The following TAFA2 variants were observed in gnomAD, a reference collection of about 807,000 sequenced individuals.
TAFA2 encodes chemokine-like protein TAFA-2.
TAFA2 carries 7 observed loss-of-function variants against 18.8 expected under a neutral mutation model. The observed-to-expected ratio is 0.37, with a 90% confidence interval of 0.21 to 0.70. The LOEUF (loss-of-function observed/expected upper bound fraction) is 0.70, where lower values mean the gene tolerates loss of function less well. Among genes scored for constraint, TAFA2 ranks in the 30% least tolerant of loss-of-function variants. The pLI is 0.53. For missense variants in TAFA2, 122 were observed against 158.1 expected, an observed-to-expected ratio of 0.77 and a Z score of 1.23; for synonymous variants, 60 against 54.2, an observed-to-expected ratio of 1.11 and a Z score of -0.47.
At chr12:61,751,419 G>T (rs1869008206) in intron 4 of TAFA2, among the ~76,000 whole-genome samples, 1 of 152,014 alleles carries the variant, frequency 6.6e-6, no homozygotes, top group African/African-American at 2.4e-5. Flanking sequence ...AAAAGGATAA[G>T]AATTTACTTT....
intron 1 of TAFA2, among the ~76,000 whole-genome samples, chr12:61,955,802 A>G (rs1410727761): frequency 6.6e-6 from 1 of 151,408 alleles, no homozygotes; most frequent in Non-Finnish European, 1.5e-5. Context: ...GGTTTTCACA[A>G]TGAACATAAC....
At chr12:61,824,850 T>C (rs1041208631) in intron 2 of TAFA2, among the ~76,000 whole-genome samples, 1 of 152,196 alleles carries the variant, frequency 6.6e-6, no homozygotes, top group Admixed American at 6.5e-5. Context: ...CTAAGTTTTG[T>C]GAATGTGTTG....
At chr12:62,053,848 C>T (rs1345219446) in intron 1 of TAFA2, among the ~76,000 whole-genome samples, 2 of 152,154 alleles carry the variant, frequency 1.3e-5, no homozygotes, top group African/African-American at 4.8e-5. Flanking sequence ...GCTTGATGTG[C>T]CACTTACATG....
intron 1 of TAFA2, among the ~76,000 whole-genome samples, chr12:62,051,084 T>C (rs1882040288): frequency 6.6e-6 from 1 of 152,212 alleles, no homozygotes; most frequent in South Asian, 2.1e-4. Context: ...TTAGTGTTGC[T>C]AAATTATACC....
chr12:62,159,266 T>C (rs1157225799), intron 1 of TAFA2, among the ~76,000 whole-genome samples: 1 of 152,184 alleles, frequency 6.6e-6, no homozygotes, highest in Non-Finnish European at 1.5e-5. Flanking sequence ...CACAAGTAAC[T>C]AGCCAAAGGA....
At chr12:62,056,556 C>T (rs1157724124) in intron 1 of TAFA2, among the ~76,000 whole-genome samples, 1 of 152,198 alleles carries the variant, frequency 6.6e-6, no homozygotes, top group Non-Finnish European at 1.5e-5. Flanking sequence ...GGCTCCCCCA[C>T]CAACCCCACT....
chr12:61,819,850 T>C (rs1312979627), intron 2 of TAFA2, among the ~76,000 whole-genome samples: 1 of 152,142 alleles, frequency 6.6e-6, no homozygotes, highest in Non-Finnish European at 1.5e-5. Flanking sequence ...TGCAATTTTA[T>C]TAATTTCATA....
intron 1 of TAFA2, among the ~76,000 whole-genome samples, chr12:61,951,457 AT>A (rs1878463822): frequency 6.6e-6 from 1 of 152,146 alleles, no homozygotes; most frequent in Non-Finnish European, 1.5e-5. Flanking sequence ...CATGCCTGCA[AT>A]AAATGCGCAC....
intron 1 of TAFA2, among the ~76,000 whole-genome samples, chr12:62,175,869 T>C (rs1271468475): frequency 2.0e-4 from 3 of 14,798 alleles, no homozygotes; most frequent in Non-Finnish European, 3.8e-4. Flanking sequence ...GAACATATTA[T>C]ATATATATAT....
intron 1 of TAFA2, among the ~76,000 whole-genome samples, chr12:62,101,471 T>C (rs1869198487): frequency 6.6e-6 from 1 of 152,154 alleles, no homozygotes; most frequent in Non-Finnish European, 1.5e-5. Context: ...GTAACCAAAT[T>C]TCCCTAGATT....
At position 62,229,115 on chromosome 12, in the gene TAFA2, G is replaced by A. The variant is rs539108902; in HGVS notation, c.-130+29648C>T. ...TTATCAGTTCTAACAATTCTTGGTG[G>A]TGTCTAGGTTTTTCGAAATATACTA... On this transcript the variant is annotated intron_variant, in intron 1 of 5. Coordinates refer to the TAFA2 transcript ENST00000551619. Among the ~76,000 whole-genome samples the A allele has an allele frequency of 2.0e-5, 3 of 152,052 alleles. No individual in the cohort carries two copies. The South Asian group carries it at 6.2e-4, about 32-fold the overall frequency.
Position 62,191,188 on chromosome 12 carries a change from G to A in TAFA2, c.-2+71C>T, listed in dbSNP as rs1279154044. 4 of 151,992 alleles carry A rather than the reference G, an allele frequency of 2.6e-5. No individual in the cohort carries two copies. In the South Asian group the frequency reaches 6.2e-4, roughly 24 times the overall value. 9.4% of individuals were successfully genotyped at this position (151,992 alleles called of 1,614,324 possible). A position where few individuals can be genotyped will look rare whatever the true frequency, so the allele number is the denominator to read the frequency against. On this transcript the variant is annotated intron_variant, in intron 1 of 4. Coordinates refer to ENST00000416284, the MANE Select transcript of TAFA2 (RefSeq NM_178539.5). ...GACGTGTGCACACGGGGGCTTCCGG[G>A]ACCGCGGTCCTGCAGTTGCCGCTCC...
intron 2 of TAFA2, among the ~76,000 whole-genome samples, chr12:61,768,099 C>T (rs978117912): frequency 2.0e-5 from 3 of 152,114 alleles, no homozygotes; most frequent in Non-Finnish European, 2.9e-5. Flanking sequence ...ATTCCCTCAA[C>T]AGGCATTGTG....
At chr12:62,076,814 A>G (rs1868251111) in intron 1 of TAFA2, among the ~76,000 whole-genome samples, 2 of 152,240 alleles carry the variant, frequency 1.3e-5, no homozygotes, top group African/African-American at 4.8e-5. Flanking sequence ...TCATGGGTTC[A>G]TATTCAGATG....
At chr12:61,920,584 G>T (rs1004385573) in intron 1 of TAFA2, among the ~76,000 whole-genome samples, 1 of 152,140 alleles carries the variant, frequency 6.6e-6, no homozygotes, top group Non-Finnish European at 1.5e-5. Context: ...TTGTTACGAT[G>T]ATATATAGAC....
intron 2 of TAFA2, among the ~76,000 whole-genome samples, chr12:61,762,268 A>G (rs953735496): frequency 6.6e-6 from 1 of 152,070 alleles, no homozygotes; most frequent in Non-Finnish European, 1.5e-5. Flanking sequence ...GCAGACTCCA[A>G]TTCCAGATTA....
chr12:61,979,661 T>A (rs1229107545), intron 1 of TAFA2, among the ~76,000 whole-genome samples: 1 of 151,340 alleles, frequency 6.6e-6, no homozygotes. Flanking sequence ...AGGAGGAAAT[T>A]AAGAAAAGAA....
chr12:61,941,737 T>C (rs1878027617), intron 1 of TAFA2, among the ~76,000 whole-genome samples: 1 of 152,188 alleles, frequency 6.6e-6, no homozygotes, highest in South Asian at 2.1e-4. Flanking sequence ...ATATTGCGCT[T>C]TTCAGACCGG....
intron 4 of TAFA2, among the ~76,000 whole-genome samples, chr12:61,747,143 T>C (rs2120726411): frequency 6.6e-6 from 1 of 152,112 alleles, no homozygotes; most frequent in East Asian, 1.9e-4. Flanking sequence ...ATCAGAGAAA[T>C]GCAAATCAAG....
Sources: allele counts gnomAD v4.1 joint callset (sites outside exome capture counted in the v4.1 genomes callset), GRCh38; gene constraint gnomAD v4.1.1; transcripts MANE v1.5; gene names NCBI Gene and HGNC (gene_info 2026-07-23, HGNC 2026-07-21).